Variants in CSMD1 observed in about 807,000 individuals in gnomAD.
CSMD1 encodes the protein CUB and sushi domain-containing protein 1.
Under a neutral mutation model 417.5 loss-of-function variants are expected in CSMD1, and 213 were observed. The observed-to-expected ratio is 0.51, with a 90% CI of 0.46 to 0.57. The LOEUF is 0.57. Among genes scored for constraint, CSMD1 ranks in the 20% least tolerant of loss-of-function variants. The pLI is 0.00. For synonymous variants in CSMD1, 2,862 were observed against 1,736.8 expected, an observed-to-expected ratio of 1.65 and a Z score of -16.11; for missense variants, 6,923 against 4,529.7, an observed-to-expected ratio of 1.53 and a Z score of -15.17.
At position 3,580,034 on chromosome 8, in the gene CSMD1, G is replaced by A. The variant is rs369730664; in HGVS notation, c.1223-4968C>T. Among the ~76,000 whole-genome samples, 7 of 152,128 alleles carry A rather than the reference G, an allele frequency of 4.6e-5. No homozygotes were observed. The East Asian group carries it at 7.7e-4, about 17-fold the overall frequency. ...CAGAAGAATCCCTTGAGCTAGGGAGGTGGAAGTTGCAGCGAGCCAAGATAG... is the reference window on the plus strand; with the variant it reads ...CAGAAGAATCCCTTGAGCTAGGGAGATGGAAGTTGCAGCGAGCCAAGATAG... On this transcript the variant is annotated intron_variant, in intron 9 of 69. Coordinates refer to ENST00000635120, the MANE Select transcript of CSMD1 (RefSeq NM_033225.6).
rs1020755686 is a variant in CSMD1 at position 4,874,629 on chromosome 8, G to T, written c.85+119703C>A. ...TGGTCTCGAACTCCTGACCTCAGGT[G>T]ATCTACCCACCTTGGCCTCCCAGAG... On this transcript the variant is annotated intron_variant, in intron 1 of 69. Coordinates refer to ENST00000635120, the MANE Select transcript of CSMD1 (RefSeq NM_033225.6). Among the ~76,000 whole-genome samples, 3 of 151,662 alleles carry T rather than the reference G, an allele frequency of 2.0e-5. No homozygotes were observed. In the South Asian group the frequency reaches 6.2e-4, roughly 32 times the overall value.
intron 1 of CSMD1, among the ~76,000 whole-genome samples, chr8:4,723,807 AAAAAC>A (rs1217026441): frequency 6.6e-6 from 1 of 151,442 alleles, no homozygotes; most frequent in Admixed American, 6.6e-5. Context: ...AAAACAAAAA[AAAAAC>A]AAAACAAAAC....
chr8:4,323,330 A>G (rs534009329), intron 3 of CSMD1, among the ~76,000 whole-genome samples: 1 of 152,288 alleles, frequency 6.6e-6, no homozygotes, highest in South Asian at 2.1e-4. Flanking sequence ...TTCAACCCCT[A>G]AAATTCATGA....
At chr8:4,857,482 G>A (rs547966913) in intron 1 of CSMD1, among the ~76,000 whole-genome samples, 65 of 152,096 alleles carry the variant, frequency 4.3e-4, no homozygotes, top group Non-Finnish European at 8.2e-4. Context: ...CCAGGAGCTC[G>A]TTTTTTGAAA....
chr8:4,923,101 G>T (rs545739688), intron 1 of CSMD1, among the ~76,000 whole-genome samples: 14 of 152,170 alleles, frequency 9.2e-5, no homozygotes, highest in Admixed American at 8.5e-4. Flanking sequence ...GAAATAAAGG[G>T]ATATCAATTA....
intron 5 of CSMD1, among the ~76,000 whole-genome samples, chr8:3,861,666 T>G (rs1001126181): frequency 6.6e-6 from 1 of 152,232 alleles, no homozygotes; most frequent in Admixed American, 6.5e-5. Flanking sequence ...CTCCTGTTAT[T>G]GGAGGTCCAG....
chr8:3,330,706 T>A (rs73171178), intron 23 of CSMD1, among the ~76,000 whole-genome samples: 18,897 of 152,072 alleles, frequency 0.12, 1,719 homozygotes, highest in African/African-American at 0.26. Flanking sequence ...GACATGAGTT[T>A]ACCCAAATAA....
At chr8:4,922,913 ATCT>A (rs941643296) in intron 1 of CSMD1, among the ~76,000 whole-genome samples, 1 of 152,066 alleles carries the variant, frequency 6.6e-6, no homozygotes, top group Non-Finnish European at 1.5e-5. Context: ...ACTCCCTTAA[ATCT>A]TCTTATTCCT....
intron 49 of CSMD1, among the ~76,000 whole-genome samples, chr8:3,062,972 C>A (rs1375489176): frequency 6.6e-6 from 1 of 151,996 alleles, no homozygotes; most frequent in Admixed American, 6.6e-5. Context: ...AAGAAAATTC[C>A]TAGAGAAAAA....
At position 3,490,680 on chromosome 8, in the gene CSMD1, G is replaced by C. The variant is rs145103566; in HGVS notation, c.1448+2943C>G. Among the ~76,000 whole-genome samples the C allele has an allele frequency of 9.9e-5, 15 of 152,192 alleles. No individual in the cohort carries two copies. In the East Asian group the frequency reaches 2.9e-3, roughly 30 times the overall value. ...AAATGACTTCCCTCAGGGTCATGGG[G>C]ATAGCAAATAGCTGGAGCCAGAAAC... On this transcript the variant is annotated intron_variant, in intron 11 of 69. Coordinates refer to ENST00000635120, the MANE Select transcript of CSMD1 (RefSeq NM_033225.6).
At chr8:4,486,244 T>TAC (rs200495810) in intron 2 of CSMD1, among the ~76,000 whole-genome samples, 3 of 40,556 alleles carry the variant, frequency 7.4e-5, no homozygotes, top group South Asian at 7.6e-4. Flanking sequence ...TATATATATA[T>TAC]ACATACATAT....
intron 1 of CSMD1, among the ~76,000 whole-genome samples, chr8:4,966,933 T>C (rs1353623959): frequency 6.6e-6 from 1 of 152,212 alleles, no homozygotes; most frequent in Non-Finnish European, 1.5e-5. Context: ...CAATCCAGTG[T>C]TGCAAATTCC....
At chr8:3,395,033 T>A (rs969724913) in intron 17 of CSMD1, among the ~76,000 whole-genome samples, 2 of 152,142 alleles carry the variant, frequency 1.3e-5, no homozygotes, top group Non-Finnish European at 2.9e-5. Flanking sequence ...GTTGTTAATT[T>A]AAATGTGCTG....
At chr8:4,072,984 G>T (rs763082789) in intron 3 of CSMD1, among the ~76,000 whole-genome samples, 1 of 152,088 alleles carries the variant, frequency 6.6e-6, no homozygotes, top group African/African-American at 2.4e-5. Flanking sequence ...ATTTTGCCTT[G>T]AATTACACAA....
chr8:3,554,442 G>A (rs984287730), intron 10 of CSMD1, among the ~76,000 whole-genome samples: 4 of 152,146 alleles, frequency 2.6e-5, no homozygotes, highest in African/African-American at 9.7e-5. Context: ...AGCTGGGGGA[G>A]CAGAGAACAG....
rs1469519669 is a variant in CSMD1, at chr8:3,091,581, T to C, written c.7220A>G (p.Gln2407Arg). Residue 2407 changes from glutamine to arginine, a missense_variant, in exon 48 of 70, where the codon CAG (glutamine) becomes CGG (arginine). By Grantham distance (43) the Gln-to-Arg change is conservative (BLOSUM62 1). Coordinates refer to ENST00000635120, the MANE Select transcript of CSMD1 (RefSeq NM_033225.6). ...EQSNFTSRSN[Q>R]LYLRWSTDHA... ...GTCAGTGGACCAGCGGAGATATAAC[T>C]GATTACTCCTGCTTGTAAAATTTGA... 1 of 1,611,120 alleles carries C rather than the reference T, an allele frequency of 6.2e-7. No homozygotes were observed. The highest frequency in any genetic ancestry group is 1.3e-5 in the African/African-American group (1 of 74,846).
chr8:2,985,102 A>G lies in CSMD1; in HGVS notation c.8378-6302T>C, dbSNP rs983428487. On this transcript the variant is annotated intron_variant, in intron 54 of 69. Transcript: ENST00000635120. ...TTGGCCTCAAAGCGACTCAAAATCA[A>G]TATACGTCCCAATATAAACTGTGAC... Among the ~76,000 whole-genome samples the G allele has an allele frequency of 2.6e-5, 4 of 152,228 alleles. No individual in the cohort carries two copies. In the South Asian group the frequency reaches 6.2e-4, roughly 24 times the overall value.
intron 41 of CSMD1, among the ~76,000 whole-genome samples, chr8:3,137,163 G>A (rs1358280840): frequency 6.6e-6 from 1 of 152,138 alleles, no homozygotes; most frequent in Non-Finnish European, 1.5e-5. Context: ...GTTGACTACA[G>A]TCACCCTAAA....
chr8:4,288,738 C>T (rs1042159786), intron 3 of CSMD1, among the ~76,000 whole-genome samples: 1 of 152,168 alleles, frequency 6.6e-6, no homozygotes, highest in Non-Finnish European at 1.5e-5. Context: ...TCCAAGATCT[C>T]TCAGATGGTC....
Sources: allele counts gnomAD v4.1 joint callset (sites outside exome capture counted in the v4.1 genomes callset), GRCh38; gene constraint gnomAD v4.1.1; transcripts MANE v1.5; gene names NCBI Gene and HGNC (gene_info 2026-07-23, HGNC 2026-07-21).